The following NOS3 variants were observed in gnomAD, a reference collection of about 807,000 sequenced individuals.
The protein encoded by NOS3 is NOS type III.
Under a neutral mutation model 144.9 loss-of-function variants are expected in NOS3, and 98 were observed. The observed-to-expected ratio is 0.68, with a 90% CI of 0.57 to 0.80. The LOEUF (loss-of-function observed/expected upper bound fraction) is 0.80, where lower values mean the gene tolerates loss of function less well. Ranked by LOEUF, NOS3 falls within the 30% of genes least tolerant of loss-of-function variation. The probability of loss-of-function intolerance (pLI) is 0.00; values close to 1 mark genes in which losing one functional copy is unlikely to be tolerated. For synonymous variants in NOS3, 714 were observed against 702.4 expected (o/e 1.02, Z -0.26); for missense variants, 1,465 against 1,656.4 (o/e 0.88, Z 2.01).
rs142498418 is a variant in NOS3, at chr7:151,009,348, G to GC, written c.2325-45dup. ...GACCCTCCTCCTCCCACATTCTCCCGCCCCCACCCCTCTCTGACTCCCCAT... is the reference window on the plus strand; with the variant it reads ...GACCCTCCTCCTCCCACATTCTCCCGCCCCCCACCCCTCTCTGACTCCCCAT... On this transcript the variant is annotated intron_variant, in intron 19 of 26. Coordinates refer to ENST00000297494, the MANE Select transcript of NOS3 (RefSeq NM_000603.5). 0.5 allele frequency: 405,571 copies of GC among 816,964 alleles called. 107,516 individuals are homozygous for GC. Among genetic ancestry groups the GC allele is most frequent in the Admixed American group, 0.69 (26,851 of 38,926 alleles). The allele number at this position is 816,964 out of a possible 1,614,324, so 50.6% of individuals were successfully genotyped here.
At chr7:151,005,965 T>G (rs535636372) in intron 14 of NOS3, among the ~76,000 whole-genome samples, 137 of 152,266 alleles carry the variant, frequency 9.0e-4, no homozygotes, top group African/African-American at 3.1e-3. Context: ...GAGGTTACAG[T>G]GAATGATGAT....
chr7:151,009,410 C>T lies in NOS3; in HGVS notation c.2337C>T (p.Ile779=), dbSNP rs1795258402. 6.5e-7 allele frequency: 1 copy of T among 1,532,610 alleles called. No individual in the cohort carries two copies. Among genetic ancestry groups the T allele is most frequent in the Admixed American group, 2.0e-5 (1 of 49,666 alleles). The allele number at this position is 1,532,610 out of a possible 1,614,324, so 94.9% of individuals were successfully genotyped here. The change falls in exon 20 of 27, where the codon ATC becomes ATT. Residue 779 remains isoleucine, a synonymous_variant. Coordinates refer to ENST00000297494, the MANE Select transcript of NOS3 (RefSeq NM_000603.5). ...LQSSKSTRAT[I]LVRLDTGGQE... ...TCCCCACCCCCAGGAGGGCCACCAT[C>T]CTGGTGCGCCTGGACACCGGAGGCC...
intron 23 of NOS3, 151 bp downstream of exon 23, chr7:151,011,137 T>G: frequency 1.6e-6 from 1 of 622,858 alleles, no homozygotes; most frequent in Non-Finnish European, 2.9e-6. Flanking sequence ...TTCAGAACTC[T>G]GGCTAAGCTT....
Position 150,998,569 on chromosome 7 carries a change from C to T in NOS3, c.705C>T (p.Cys235=). The change falls in exon 7 of 27, where the codon TGC becomes TGT. Residue 235 remains cysteine, a synonymous_variant. Transcript: ENST00000297494. The surrounding 1 kb of genome is among the most constrained non-coding windows in gnomAD (Gnocchi z 5.0). ...CCATCACAGTGTTCCCGCAGCGCTG[C>T]CCTGGCCGAGGAGACTTCCGAATCT... ...RSAITVFPQR[C]PGRGDFRIWN... is the part of the protein sequence containing the mutation. 6.2e-7 allele frequency: 1 copy of T among 1,609,468 alleles called. No homozygotes were observed. The highest frequency in any genetic ancestry group is 8.5e-7 in the Non-Finnish European group (1 of 1,178,822).
intron 10 of NOS3, 91 bp from the exon 11 acceptor site, chr7:151,001,140 C>T: frequency 1.5e-6 from 2 of 1,302,802 alleles, no homozygotes; most frequent in South Asian, 2.5e-5. Context: ...ATCGAGGGCA[C>T]ATGTGGTTTG....
intron 24 of NOS3, 55 bp downstream of exon 24, chr7:151,012,527 A>C: frequency 6.4e-7 from 1 of 1,570,868 alleles, no homozygotes; most frequent in South Asian, 1.1e-5. Flanking sequence ...CTAGGGACAG[A>C]GGGGTGGGGC....
intron 1 of NOS3, among the ~76,000 whole-genome samples, chr7:150,991,762 G>A (rs1462464043): frequency 3.3e-5 from 5 of 152,232 alleles, no homozygotes; most frequent in South Asian, 2.1e-4. Flanking sequence ...TTGGGAGGTC[G>A]AGGCAGGTGG....
At chr7:151,009,145 G>T in intron 18 of NOS3, 44 bp from the exon 19 acceptor site, 2 of 1,613,012 alleles carry the variant, frequency 1.2e-6, no homozygotes, top group Non-Finnish European at 1.7e-6. Flanking sequence ...GCCAGGCCCT[G>T]CTCCCTAGCT....
Position 151,003,366 on chromosome 7 carries a change from T to A in NOS3, c.1752+1062T>A. On this transcript the variant is annotated intron_variant, in intron 14 of 26. Coordinates refer to ENST00000297494, the MANE Select transcript of NOS3 (RefSeq NM_000603.5). The surrounding 1 kb of genome is among the most constrained non-coding windows in gnomAD (Gnocchi z 4.1). ...GTCTCTAACTCCTGGGTTCAAGCAA[T>A]CCACCTGCCTCGGCCTCCCAAAGTG... 1.8e-6 allele frequency: 2 copies of A among 1,131,020 alleles called. No homozygotes were observed. Among genetic ancestry groups the A allele is most frequent in the Non-Finnish European group, 2.3e-6 (2 of 856,812 alleles). 70.1% of individuals were successfully genotyped at this position (1,131,020 alleles called of 1,614,324 possible).
At position 151,001,407 on chromosome 7, in the gene NOS3, C is replaced by A; in HGVS notation, c.1410C>A (p.Ser470=). 1 of 1,590,272 alleles carries A rather than the reference C, an allele frequency of 6.3e-7. No individual in the cohort carries two copies. Among genetic ancestry groups the A allele is most frequent in the South Asian group, 1.1e-5 (1 of 87,222 alleles). The change falls in exon 11 of 27, where the codon TCC becomes TCA. Residue 470 remains serine (S), a synonymous_variant. Transcript: ENST00000297494. The part of the protein sequence containing the change: ...FHQEMVNYFL[S]PAFRYQPDPW... The stretch of plus-strand genomic sequence containing the variant: ...AGGAGATGGTCAACTATTTCCTGTC[C>A]CCGGCCTTCCGCTACCAGGTGCCCA...
chr7:151,006,388 A>C (rs770376629), intron 14 of NOS3, 39 bp from the exon 15 acceptor site: 2 of 1,525,702 alleles, frequency 1.3e-6, no homozygotes, highest in Non-Finnish European at 1.8e-6. Context: ...GTTTGAAATG[A>C]AACAAAACTA....
Position 151,003,196 on chromosome 7 carries a change from G to A in NOS3, c.1752+892G>A, listed in dbSNP as rs1474910426. On this transcript the variant is annotated intron_variant, in intron 14 of 26. Coordinates refer to ENST00000297494, the MANE Select transcript of NOS3 (RefSeq NM_000603.5). This position sits in a 1 kb window ranked among gnomAD's most constrained non-coding sequence, Gnocchi z 4.1. ...GCTGGAGTGCAGTAGTACAATCACG[G>A]CTCACTGCAGCCTCAACCTCCTAGA... The A allele has an allele frequency of 2.2e-6, 1 of 453,302 alleles. No individual in the cohort carries two copies. The highest frequency in any genetic ancestry group is 1.6e-5 in the South Asian group (1 of 64,256). The allele number at this position is 453,302 out of a possible 1,614,324, so 28.1% of individuals were successfully genotyped here.
rs771107300 is a variant in NOS3 at position 150,999,246 on chromosome 7, A to G, written c.1013A>G (p.Asn338Ser). 79 of 1,612,112 alleles carry G rather than the reference A, an allele frequency of 4.9e-5. No individual in the cohort carries two copies. The highest frequency in any genetic ancestry group is 6.1e-5 in the Non-Finnish European group (72 of 1,179,782). The change falls in exon 9 of 27, where the codon AAC becomes AGC. Residue 338 changes from asparagine to serine, a missense_variant. By Grantham distance (46) the Asn-to-Ser change is conservative (BLOSUM62 1). Around this residue, in one of 5 missense-constraint regions of NOS3, gnomAD observed 745 missense variants for 853.9 expected, o/e 0.87. Coordinates refer to ENST00000297494, the MANE Select transcript of NOS3 (RefSeq NM_000603.5). ...TGGTACGCCCTCCCGGCAGTGTCCA[A>G]CATGCTGCTGGAAATTGGGGGCCTG... ...LRWYALPAVS[N>S]MLLEIGGLEF...
chr7:151,006,508 G>C lies in NOS3; in HGVS notation c.1820+14G>C. 1 of 1,606,682 alleles carries C rather than the reference G, an allele frequency of 6.2e-7. No homozygotes were observed. Among genetic ancestry groups the C allele is most frequent in the Non-Finnish European group, 8.5e-7 (1 of 1,175,138 alleles). On this transcript the variant is annotated intron_variant, in intron 15 of 26. Coordinates refer to ENST00000297494, the MANE Select transcript of NOS3 (RefSeq NM_000603.5). ...GGAACAGCACAAGTGAGTTGGGTGA[G>C]AGTTTGGGGGAGCTGGGGGAGCTGA...
chr7:151,012,180 A>G (rs911365301), intron 23 of NOS3, 171 bp from the exon 24 acceptor site: 1 of 573,210 alleles, frequency 1.7e-6, no homozygotes, highest in African/African-American at 1.9e-5. Context: ...TCCAGAAACC[A>G]CAGATCCAAG....
In NOS3 at chr7:151,007,250, C is replaced by T. The variant is rs771351659; in HGVS notation, c.2086C>T (p.Arg696Ter). Reference protein sequence around the residue: ...DELCGQEEAFRGWAQAAFQAA... With the variant: ...DELCGQEEAF ...GCTGTGCGGCCAGGAGGAGGCCTTC[C>T]GAGGCTGGGCCCAGGCTGCCTTCCA... Residue 696 changes from arginine (R) to a stop codon, truncating the protein, a stop_gained, in exon 17 of 27, where the codon CGA becomes TGA. Transcript: ENST00000297494. LOFTEE classifies it high-confidence loss of function. 8 of 1,603,862 alleles carry T rather than the reference C, an allele frequency of 5.0e-6. No homozygotes were observed. The Admixed American group carries it at 6.7e-5, about 13-fold the overall frequency.
Position 151,001,295 on chromosome 7 carries a change from A to G in NOS3, c.1298A>G (p.Asn433Ser). 6.2e-7 allele frequency: 1 copy of G among 1,613,844 alleles called. No homozygotes were observed. Among genetic ancestry groups the G allele is most frequent in the Non-Finnish European group, 8.5e-7 (1 of 1,179,946 alleles). Residue 433 changes from asparagine (N) to serine (S), a missense_variant, in exon 11 of 27, where the codon AAT (asparagine) becomes AGT (serine). Asn to Ser is a conservative substitution (Grantham distance 46). Transcript: ENST00000297494. ...GCCTCTTTCATGAAGCACCTGGAGA[A>G]TGAGCAGAAGGCCAGGGGGGGCTGC... ...ATASFMKHLE[N>S]EQKARGGCPA...
chr7:151,000,057 G>A (rs1255296970), intron 9 of NOS3, among the ~76,000 whole-genome samples: 1 of 144,074 alleles, frequency 6.9e-6, no homozygotes, highest in Non-Finnish European at 1.5e-5. Flanking sequence ...GTGTGTAGGC[G>A]GTGAGTGTGA....
intron 2 of NOS3, among the ~76,000 whole-genome samples, chr7:150,994,449 C>A (rs1255513980): frequency 6.6e-6 from 1 of 152,092 alleles, no homozygotes; most frequent in Non-Finnish European, 1.5e-5. Flanking sequence ...AAACTCGGGC[C>A]CTTGGGGTAA....
Sources: allele counts gnomAD v4.1 joint callset (sites outside exome capture counted in the v4.1 genomes callset), GRCh38; gene constraint gnomAD v4.1.1; regional missense constraint gnomAD v4.1.1; non-coding constraint Gnocchi (gnomAD v3.1); transcripts MANE v1.5; gene names NCBI Gene and HGNC (gene_info 2026-07-23, HGNC 2026-07-21).